FRY: variants seen among roughly 807,000 people sequenced by gnomAD.
FRY encodes FRY microtubule binding protein, also known as protein furry homolog.
Under a neutral mutation model 348.4 loss-of-function variants are expected in FRY, and 128 were observed. The ratio of observed to expected loss-of-function variants is 0.37; its 90% confidence interval spans 0.32 to 0.43. FRY has a LOEUF of 0.43. Ranked by LOEUF, FRY falls within the 20% of genes least tolerant of loss-of-function variation. FRY has a pLI of 1.00. For synonymous variants in FRY, 1,370 were observed against 1,374.7 expected (o/e 1.00, Z 0.08); for missense variants, 2,736 against 3,695.2 (o/e 0.74, Z 6.73).
intron 14 of FRY, among the ~76,000 whole-genome samples, chr13:32,153,821 C>T (rs1241103336): frequency 1.3e-5 from 2 of 152,054 alleles, no homozygotes; most frequent in Admixed American, 1.3e-4. Context: ...TTACTGTCCT[C>T]ATTTTACAGA....
chr13:32,064,673 C>CTT (rs1874141348), intron 1 of FRY, among the ~76,000 whole-genome samples: 1 of 152,176 alleles, frequency 6.6e-6, no homozygotes, highest in Non-Finnish European at 1.5e-5. Flanking sequence ...GCTGTTCAAC[C>CTT]TGGCTGTTCA....
intron 1 of FRY, among the ~76,000 whole-genome samples, chr13:32,077,295 A>G (rs1384615585): frequency 1.3e-5 from 2 of 152,190 alleles, no homozygotes; most frequent in African/African-American, 4.8e-5. Flanking sequence ...CATGCAAAAG[A>G]AAGATTAGTC....
chr13:32,276,765 T>G (rs906928325), intron 57 of FRY, among the ~76,000 whole-genome samples: 1 of 152,148 alleles, frequency 6.6e-6, no homozygotes, highest in African/African-American at 2.4e-5. Context: ...AAAAGAGAAA[T>G]TTTTCAGCAT....
At chr13:32,247,654 A>G in intron 48 of FRY, 152 bp downstream of exon 48, 1 of 703,724 alleles carries the variant, frequency 1.4e-6, no homozygotes, top group South Asian at 1.6e-5. Flanking sequence ...TTTTTAAAGA[A>G]CCCATTGAGT....
intron 51 of FRY, among the ~76,000 whole-genome samples, chr13:32,256,119 A>C (rs1887322858): frequency 6.6e-6 from 1 of 152,148 alleles, no homozygotes; most frequent in African/African-American, 2.4e-5. Flanking sequence ...TATTATACTA[A>C]TGTTTTTCAG....
At position 32,237,147 on chromosome 13, in the gene FRY, T is replaced by G. The variant is rs571304425; in HGVS notation, c.5811-232T>G. On this transcript the variant is annotated intron_variant, in intron 43 of 60. Coordinates refer to ENST00000542859, the MANE Select transcript of FRY (RefSeq NM_023037.3). This position sits in a 1 kb window ranked among gnomAD's most constrained non-coding sequence, Gnocchi z 6.3. ...AGTAAACTTTAAGGCCAATTATTGA[T>G]TCCTCTACATTTTCAAGAAGTAGCA... 3.0e-4 allele frequency among the ~76,000 whole-genome samples: 45 copies of G among 152,288 alleles called. 2 individuals carry two copies. The South Asian group carries it at 8.3e-3, about 28-fold the overall frequency.
intron 35 of FRY, among the ~76,000 whole-genome samples, chr13:32,215,535 T>G (rs1884940562): frequency 6.6e-6 from 1 of 152,220 alleles, no homozygotes; most frequent in African/African-American, 2.4e-5. Flanking sequence ...AAGAGTAGTT[T>G]ATAGCAATTT....
At chr13:32,161,758 C>T (rs753612724) in intron 17 of FRY, among the ~76,000 whole-genome samples, 7 of 152,274 alleles carry the variant, frequency 4.6e-5, no homozygotes, top group Middle Eastern at 6.8e-3. Flanking sequence ...GAATGCAGGT[C>T]GTGGATATCC....
At chr13:32,155,912 T>C (rs1347018206) in intron 15 of FRY, among the ~76,000 whole-genome samples, 1 of 152,228 alleles carries the variant, frequency 6.6e-6, no homozygotes, top group Non-Finnish European at 1.5e-5. Context: ...TTAAAGCCTC[T>C]AATAATGATT....
In FRY at chr13:32,095,337, C is replaced by CTTTTTTTTT. The variant is rs61006034; in HGVS notation, c.271-6606_271-6598dup. The stretch of plus-strand genomic sequence containing the variant: ...GATTGTTTCCTTTGCTGTATGGAAG[C>CTTTTTTTTT]TTTTTTTTTTTTTTTTTTTTTTTTT... On this transcript the variant is annotated intron_variant, in intron 2 of 60. Transcript: ENST00000542859. 3.4e-5 allele frequency among the ~76,000 whole-genome samples: 2 copies of CTTTTTTTTT among 58,344 alleles called. 1 individual carries two copies. Among genetic ancestry groups the CTTTTTTTTT allele is most frequent in the Non-Finnish European group, 5.9e-5 (2 of 34,070 alleles). 38.3% of individuals were successfully genotyped at this position (58,344 alleles called of 152,430 possible). A position where few individuals can be genotyped will look rare whatever the true frequency, so the allele number is the denominator to read the frequency against.
intron 49 of FRY, among the ~76,000 whole-genome samples, chr13:32,250,152 A>AT (rs981173010): frequency 6.6e-6 from 1 of 152,228 alleles, no homozygotes; most frequent in African/African-American, 2.4e-5. Flanking sequence ...GGGCTGAGCC[A>AT]TGCAGATGGC....
intron 2 of FRY, among the ~76,000 whole-genome samples, chr13:32,093,191 T>G (rs543607131): frequency 5.2e-4 from 79 of 152,292 alleles, no homozygotes; most frequent in Middle Eastern, 3.4e-3. Flanking sequence ...AAAAAAATTC[T>G]TCTCTAAACA....
In FRY at chr13:32,228,877, T is replaced by C. The variant is rs565657303; in HGVS notation, c.5405+223T>C. Among the ~76,000 whole-genome samples the C allele has an allele frequency of 3.3e-5, 5 of 152,306 alleles. No individual in the cohort carries two copies. The South Asian group carries it at 1.0e-3, about 32-fold the overall frequency. ...ATAGCAGTTTCTAGGATCCCACTGATGTGACAGTTGATGGGCAAGGGGATT... is the reference window on the plus strand; with the variant it reads ...ATAGCAGTTTCTAGGATCCCACTGACGTGACAGTTGATGGGCAAGGGGATT... On this transcript the variant is annotated intron_variant, in intron 40 of 60. Coordinates refer to ENST00000542859, the MANE Select transcript of FRY (RefSeq NM_023037.3).
At chr13:32,069,865 A>ACC (rs1874514694) in intron 1 of FRY, among the ~76,000 whole-genome samples, 3 of 142,368 alleles carry the variant, frequency 2.1e-5, no homozygotes, top group African/African-American at 5.3e-5. Flanking sequence ...CCTCCCCCAG[A>ACC]CCCCCACCCC....
chr13:32,142,570 TCA>T (rs894396572), intron 11 of FRY, among the ~76,000 whole-genome samples: 1 of 152,160 alleles, frequency 6.6e-6, no homozygotes, highest in Admixed American at 6.6e-5. Flanking sequence ...ATAAAATCCT[TCA>T]ATTGACATCT....
chr13:32,080,739 A>G (rs920199069), intron 2 of FRY, among the ~76,000 whole-genome samples: 2 of 152,098 alleles, frequency 1.3e-5, no homozygotes, highest in South Asian at 2.1e-4. Flanking sequence ...GAGGGAAGCT[A>G]CCTCCATTTC....
At chr13:32,215,717 G>A (rs1002383950) in intron 35 of FRY, among the ~76,000 whole-genome samples, 1 of 152,118 alleles carries the variant, frequency 6.6e-6, no homozygotes, top group African/African-American at 2.4e-5. Context: ...ATACAGACAT[G>A]TGTCACCACA....
At chr13:32,170,399 G>C (rs1034836052) in intron 17 of FRY, among the ~76,000 whole-genome samples, 1 of 152,202 alleles carries the variant, frequency 6.6e-6, no homozygotes, top group Non-Finnish European at 1.5e-5. Context: ...TCAATATTAA[G>C]TTCTTAGTTT....
At chr13:32,181,235 G>A (rs1882688473) in intron 23 of FRY, among the ~76,000 whole-genome samples, 1 of 152,010 alleles carries the variant, frequency 6.6e-6, no homozygotes, top group Non-Finnish European at 1.5e-5. Flanking sequence ...TGACTGCGTA[G>A]GTTACCAGTT....
Sources: allele counts gnomAD v4.1 joint callset (sites outside exome capture counted in the v4.1 genomes callset), GRCh38; gene constraint gnomAD v4.1.1; non-coding constraint Gnocchi (gnomAD v3.1); transcripts MANE v1.5; gene names NCBI Gene and HGNC (gene_info 2026-07-23, HGNC 2026-07-21).